The following DST variants were observed in gnomAD, a reference collection of about 807,000 sequenced individuals.
DST encodes bullous pemphigoid antigen.
A neutral mutation model predicts 875.2 loss-of-function variants in DST; 253 were observed. That is an observed-to-expected ratio of 0.29 (90% confidence interval 0.26 to 0.32). The LOEUF is 0.32. Ranked by LOEUF, DST falls within the 10% of genes least tolerant of loss-of-function variation. The pLI is 1.00. For synonymous variants in DST, 3,124 were observed against 3,197.1 expected (o/e 0.98, Z 0.77); for missense variants, 8,287 against 9,111.6 (o/e 0.91, Z 3.68).
At chr6:56,498,108 C>T in intron 80 of DST, 55 bp from the exon 81 acceptor site, 2 of 1,474,574 alleles carry the variant, frequency 1.4e-6, no homozygotes, top group Non-Finnish European at 1.9e-6. Context: ...TTAATATCAT[C>T]TTTAATGCAA....
At chr6:56,572,655 G>T (rs2097795232) in intron 52 of DST, 92 bp downstream of exon 52, 2 of 929,014 alleles carry the variant, frequency 2.2e-6, no homozygotes, top group Non-Finnish European at 3.1e-6. Context: ...CAATTAAAAT[G>T]ATTGCCAATT....
chr6:56,919,773 C>T lies in DST; in HGVS notation c.217-19152G>A, dbSNP rs142838733. ...GGCAGCCTGGCCAATATGGTGAAAC[C>T]CCATCTCTACTAAAAATACAATAAT... On this transcript the variant is annotated intron_variant, in intron 2 of 103. Coordinates refer to ENST00000680361, the MANE Select transcript of DST (RefSeq NM_001374736.1). Among the ~76,000 whole-genome samples the T allele has an allele frequency of 9.1e-3, 1,385 of 152,202 alleles. 16 individuals are homozygous for T. The highest frequency in any genetic ancestry group is 0.02 in the Middle Eastern group (6 of 294).
intron 10 of DST, among the ~76,000 whole-genome samples, chr6:56,666,855 A>T (rs1021929130): frequency 6.6e-5 from 10 of 151,390 alleles, no homozygotes; most frequent in African/African-American, 2.2e-4. Context: ...CCCACCTCAG[A>T]CTCCCAAGAA....
intron 32 of DST, 76 bp downstream of exon 32, chr6:56,629,171 CTCA>C: frequency 7.2e-7 from 1 of 1,396,428 alleles, no homozygotes; most frequent in Non-Finnish European, 1.0e-6. Flanking sequence ...AAAAAATAGC[CTCA>C]TATGTGTAGA....
chr6:56,563,672 G>C (rs1046893925), intron 55 of DST, among the ~76,000 whole-genome samples: 1 of 152,160 alleles, frequency 6.6e-6, no homozygotes, highest in Admixed American at 6.5e-5. Context: ...GTCCTGAATG[G>C]TATTTGCCTA....
intron 48 of DST, among the ~76,000 whole-genome samples, chr6:56,592,608 C>A (rs990466080): frequency 1.3e-5 from 2 of 152,160 alleles, no homozygotes; most frequent in African/African-American, 4.8e-5. Context: ...TTTACAAGAG[C>A]TGAGTCTTAA....
intron 36 of DST, among the ~76,000 whole-genome samples, chr6:56,624,215 G>A (rs111850391): frequency 0.016 from 2,502 of 152,034 alleles, 61 homozygotes; most frequent in African/African-American, 0.056. Flanking sequence ...TGAGAAAGCC[G>A]AAAAATATTC....
chr6:56,630,886 G>C (rs930066387), intron 30 of DST, among the ~76,000 whole-genome samples: 15 of 151,580 alleles, frequency 9.9e-5, no homozygotes, highest in African/African-American at 3.6e-4. Flanking sequence ...GGGTTCAAGT[G>C]ATTCTCCTGC....
intron 53 of DST, among the ~76,000 whole-genome samples, chr6:56,570,458 T>C (rs36017808): frequency 0.32 from 49,228 of 151,958 alleles, 9,199 homozygotes; most frequent in Admixed American, 0.41. Context: ...ATAAGGAGCA[T>C]GCACCCTAGA....
intron 9 of DST, among the ~76,000 whole-genome samples, chr6:56,675,881 T>A (rs1213600800): frequency 6.6e-6 from 1 of 151,828 alleles, no homozygotes. Context: ...AATAATTCAA[T>A]TTAAAATAAA....
Position 56,479,601 on chromosome 6 carries a change from A to G in DST, c.21532-2113T>C, listed in dbSNP as rs372478335. Among the ~76,000 whole-genome samples the G allele has an allele frequency of 1.8e-4, 27 of 152,352 alleles. 2 individuals are homozygous for G. Among genetic ancestry groups the G allele is most frequent in the African/African-American group, 5.3e-4 (22 of 41,584 alleles). ...CCATGGAATACTATGCAGCCATAAA[A>G]AAGAATGAAATCATGTACTTTGCAG... On this transcript the variant is annotated intron_variant, in intron 90 of 103. Transcript: ENST00000680361.
Position 56,562,131 on chromosome 6 carries a change from TAC to T in DST, c.14068+5_14068+6del. The T allele has an allele frequency of 6.6e-7, 1 of 1,516,974 alleles. No individual in the cohort carries two copies. The highest frequency in any genetic ancestry group is 8.9e-7 in the Non-Finnish European group (1 of 1,120,418). The allele number at this position is 1,516,974 out of a possible 1,614,324, so 94.0% of individuals were successfully genotyped here. Reference sequence around the variant, plus strand: ...TTAATCAGTAACAAATTAAAATTAATACTCACCTTTATTTGCCCAAAATTCCT... The same window carrying T: ...TTAATCAGTAACAAATTAAAATTAATTCACCTTTATTTGCCCAAAATTCCT... On this transcript the variant is annotated splice_donor_5th_base_variant and intron_variant, in intron 56 of 103. Transcript: ENST00000680361.
At chr6:56,735,318 AG>A in intron 4 of DST, 29 bp from the exon 5 acceptor site, 1 of 1,350,620 alleles carries the variant, frequency 7.4e-7, no homozygotes, top group South Asian at 1.3e-5. Flanking sequence ...TATAAAGATA[AG>A]GTTGGTAAAA....
intron 3 of DST, among the ~76,000 whole-genome samples, chr6:56,872,249 T>A (rs1204783479): frequency 6.6e-6 from 1 of 152,224 alleles, no homozygotes; most frequent in Non-Finnish European, 1.5e-5. Context: ...GTGAACAATA[T>A]TATTAGCAAT....
intron 72 of DST, 65 bp from the exon 73 acceptor site, chr6:56,511,465 C>G: frequency 7.4e-7 from 1 of 1,348,080 alleles, no homozygotes; most frequent in Non-Finnish European, 1.0e-6. Flanking sequence ...GCTGTCTACA[C>G]CTGCAATGCA....
intron 3 of DST, among the ~76,000 whole-genome samples, chr6:56,875,497 G>A (rs570278532): frequency 1.3e-5 from 2 of 152,248 alleles, no homozygotes; most frequent in East Asian, 3.9e-4. Context: ...TTGCAACTGG[G>A]CAGTTGAAAT....
intron 36 of DST, among the ~76,000 whole-genome samples, chr6:56,622,232 A>AT (rs1249408839): frequency 6.6e-6 from 1 of 152,178 alleles, no homozygotes; most frequent in Non-Finnish European, 1.5e-5. Context: ...TCAGAAAAAA[A>AT]TATCTGTTGT....
At chr6:56,753,541 T>C (rs1169879710) in intron 4 of DST, among the ~76,000 whole-genome samples, 2 of 152,218 alleles carry the variant, frequency 1.3e-5, no homozygotes, top group Non-Finnish European at 2.9e-5. Context: ...AAATAATGAA[T>C]GTTATGCACC....
At chr6:56,707,825 CAG>C (rs1027029518) in intron 5 of DST, among the ~76,000 whole-genome samples, 3 of 152,164 alleles carry the variant, frequency 2.0e-5, no homozygotes, top group African/African-American at 4.8e-5. Context: ...AAAATTAAAA[CAG>C]ACATGTTTAG....
Sources: allele counts gnomAD v4.1 joint callset (sites outside exome capture counted in the v4.1 genomes callset), GRCh38; gene constraint gnomAD v4.1.1; transcripts MANE v1.5; gene names NCBI Gene and HGNC (gene_info 2026-07-23, HGNC 2026-07-21).